The following FANCI variants were observed in gnomAD, a reference collection of about 807,000 sequenced individuals.
The protein encoded by FANCI is FA complementation group I, also known as Fanconi anemia group I protein.
In FANCI, 156 loss-of-function variants were observed where a neutral mutation model predicts 176.1. The ratio of observed to expected loss-of-function variants is 0.89; its 90% CI spans 0.78 to 1.01. The LOEUF is 1.01. Ranked by LOEUF, FANCI falls within the 50% of genes least tolerant of loss-of-function variation. The pLI, the probability that FANCI is intolerant of heterozygous loss-of-function variation, is 0.00. For missense variants in FANCI, 1,678 were observed against 1,534.1 expected (o/e 1.09, Z -1.57); for synonymous variants, 613 against 541.7 (o/e 1.13, Z -1.83).
At chr15:89,281,876 C>G in intron 16 of FANCI, 41 bp downstream of exon 16, 1 of 1,577,572 alleles carries the variant, frequency 6.3e-7, no homozygotes, top group Non-Finnish European at 8.7e-7. Context: ...ACGTTGTCTT[C>G]TAATGTTGGA....
rs369415068 is a variant in FANCI at position 89,252,515 on chromosome 15, G to A, written c.84+4784G>A. On this transcript the variant is annotated intron_variant, in intron 2 of 37. Transcript: ENST00000310775. ...AGCACTTTGGGAGGCCAAGGCAGGCGGATCACCTGAGGTGAGGAGTTCTAA... is the reference window on the plus strand; with the variant it reads ...AGCACTTTGGGAGGCCAAGGCAGGCAGATCACCTGAGGTGAGGAGTTCTAA... Among the ~76,000 whole-genome samples the A allele has an allele frequency of 8.0e-5, 12 of 150,650 alleles. No homozygotes were observed. The East Asian group carries it at 1.4e-3, about 18-fold the overall frequency.
At chr15:89,301,285 G>A (rs1280680226) in intron 26 of FANCI, 41 bp from the exon 27 acceptor site, 1 of 1,314,322 alleles carries the variant, frequency 7.6e-7, no homozygotes, top group Non-Finnish European at 1.1e-6. Context: ...ATAGGAACGT[G>A]TCTGCTAACA....
At chr15:89,304,137 A>G (rs1035900562) in intron 28 of FANCI, among the ~76,000 whole-genome samples, 4 of 152,220 alleles carry the variant, frequency 2.6e-5, no homozygotes, top group Non-Finnish European at 4.4e-5. Context: ...CACTATGGAA[A>G]ACTGTTCAGC....
In FANCI at chr15:89,285,143, T is replaced by G. The variant is rs748171417; in HGVS notation, c.1746T>G (p.Thr582=). Residue 582 remains threonine (T), a synonymous_variant, in exon 18 of 38, where the codon ACT becomes ACG. Coordinates refer to ENST00000310775, the MANE Select transcript of FANCI (RefSeq NM_001113378.2). ...HSHYNSVANE[T]FCLEIMDSLR... is the part of the protein sequence containing the mutation. ...ATTACAATTCTGTCGCCAATGAAAC[T>G]TTTTGCCTTGAGATCATGGATAGTT... 1 of 1,614,170 alleles carries G rather than the reference T, an allele frequency of 6.2e-7. No individual in the cohort carries two copies. Among genetic ancestry groups the G allele is most frequent in the Non-Finnish European group, 8.5e-7 (1 of 1,180,022 alleles).
chr15:89,285,115 G>A lies in FANCI; in HGVS notation c.1718G>A (p.Ser573Asn), dbSNP rs2053765806. The A allele has an allele frequency of 1.2e-6, 2 of 1,614,124 alleles. No homozygotes were observed. Among genetic ancestry groups the A allele is most frequent in the East Asian group, 2.2e-5 (1 of 44,868 alleles). The change falls in exon 18 of 38, where the codon AGC (serine) becomes AAC (asparagine). Residue 573 changes from serine to asparagine, a missense_variant. By Grantham distance (46) the Ser-to-Asn change is conservative (BLOSUM62 1). Coordinates refer to ENST00000310775, the MANE Select transcript of FANCI (RefSeq NM_001113378.2). ...TTTCAGGTTCATGTGGATGTTCACAGCCATTACAATTCTGTCGCCAATGAA... is the reference window on the plus strand; with the variant it reads ...TTTCAGGTTCATGTGGATGTTCACAACCATTACAATTCTGTCGCCAATGAA... Reference protein sequence around the residue: ...SVSQVHVDVHSHYNSVANETF... With the variant: ...SVSQVHVDVHNHYNSVANETF...
At position 89,293,893 on chromosome 15, in the gene FANCI, T is replaced by A; in HGVS notation, c.2352T>A (p.Ile784=). ...LFMCYKKLSD[I]LNEKAGKAKT... ...TGTGTTACAAAAAACTCTCTGACAT[T>A]CTTAATGAAAAAGCGGGTAAAGCCA... Residue 784 remains isoleucine, a synonymous_variant, in exon 23 of 38, where the codon ATT becomes ATA. Coordinates refer to ENST00000310775, the MANE Select transcript of FANCI (RefSeq NM_001113378.2). 1.2e-6 allele frequency: 2 copies of A among 1,614,168 alleles called. No homozygotes were observed. Among genetic ancestry groups the A allele is most frequent in the Non-Finnish European group, 1.7e-6 (2 of 1,180,022 alleles).
In FANCI at chr15:89,301,342, T is replaced by C. The variant is rs746808691; in HGVS notation, c.2906T>C (p.Leu969Ser). 3 of 1,613,568 alleles carry C rather than the reference T, an allele frequency of 1.9e-6. No homozygotes were observed. In the Admixed American group the frequency reaches 5.0e-5, roughly 27 times the overall value. Residue 969 changes from leucine to serine, a missense_variant, in exon 27 of 38, where the codon TTA becomes TCA. Physicochemically the swap from Leu to Ser is moderately radical, Grantham distance 145. This residue lies in a region of FANCI where 1,204 missense variants were observed against 1,077.4 expected (regional missense o/e 1.12). Coordinates refer to ENST00000310775, the MANE Select transcript of FANCI (RefSeq NM_001113378.2). ...CTTTCTCAGAGGTCCTTGTTGAATT[T>C]ACTTAGCAGTCAAGAGGAAGATTTT... is the stretch of plus-strand genomic sequence containing the variant. ...IRQFQRSLLN[L>S]LSSQEEDFNS...
Position 89,299,936 on chromosome 15 carries a change from C to G in FANCI, c.2773C>G (p.Pro925Ala). ...IFSAVQQFYQ[P>A]KIQQFLRALD... The stretch of plus-strand genomic sequence containing the variant: ...CAGTGCTGTGCAACAGTTCTATCAG[C>G]CCAAGATTCAGCAGTTTCTCAGAGC... The change falls in exon 25 of 38, where the codon CCC (proline) becomes GCC (alanine). Residue 925 changes from proline to alanine, a missense_variant. Physicochemically the swap from Pro to Ala is conservative, Grantham distance 27. Transcript: ENST00000310775. 1.2e-6 allele frequency: 2 copies of G among 1,613,976 alleles called. No homozygotes were observed. Among genetic ancestry groups the G allele is most frequent in the Non-Finnish European group, 1.7e-6 (2 of 1,179,962 alleles).
chr15:89,249,918 A>T (rs1164054727), intron 2 of FANCI, among the ~76,000 whole-genome samples: 1 of 152,232 alleles, frequency 6.6e-6, no homozygotes, highest in Non-Finnish European at 1.5e-5. Context: ...ATCTTCTTAA[A>T]CACATAGAAT....
Position 89,306,069 on chromosome 15 carries a change from C to G in FANCI, c.3412C>G (p.Leu1138Val). ...TGTTGAGAAAGCTATCATCATGCAA[C>G]TGGGAACTCTGCTTACATTTTTCCA... The part of the protein sequence containing the change: ...QPVEKAIIMQ[L>V]GTLLTFFHEL... The change falls in exon 32 of 38, where the codon CTG becomes GTG. Residue 1138 changes from leucine to valine, a missense_variant. By Grantham distance (32) the Leu-to-Val change is conservative. Transcript: ENST00000310775. The G allele has an allele frequency of 6.2e-7, 1 of 1,614,224 alleles. No individual in the cohort carries two copies. The highest frequency in any genetic ancestry group is 1.3e-5 in the African/African-American group (1 of 75,060).
intron 24 of FANCI, among the ~76,000 whole-genome samples, chr15:89,295,732 GC>G (rs150758657): frequency 1.7e-5 from 2 of 114,460 alleles, no homozygotes; most frequent in Non-Finnish European, 3.7e-5. Context: ...TTCCCCTGGC[GC>G]CCCCCCCACC....
At chr15:89,283,571 T>A (rs1274482530) in intron 17 of FANCI, among the ~76,000 whole-genome samples, 4 of 152,170 alleles carry the variant, frequency 2.6e-5, no homozygotes, top group Non-Finnish European at 5.9e-5. Context: ...TACCAGATTT[T>A]GAAATAAAAG....
chr15:89,301,268 C>G, intron 26 of FANCI, 58 bp from the exon 27 acceptor site: 1 of 1,145,418 alleles, frequency 8.7e-7, no homozygotes, highest in Non-Finnish European at 1.3e-6. Context: ...GATGCCTCTT[C>G]TTCCTGATAG....
chr15:89,270,422 A>G (rs770460378), intron 10 of FANCI, among the ~76,000 whole-genome samples: 31 of 152,174 alleles, frequency 2.0e-4, no homozygotes, highest in African/African-American at 3.9e-4. Context: ...TTTCCCAACA[A>G]CATTTCACAG....
intron 2 of FANCI, among the ~76,000 whole-genome samples, chr15:89,257,790 C>T (rs1389763442): frequency 1.3e-5 from 2 of 152,270 alleles, no homozygotes; most frequent in East Asian, 3.9e-4. Flanking sequence ...GTCTAGGCCA[C>T]TGTCATCTCT....
intron 13 of FANCI, among the ~76,000 whole-genome samples, chr15:89,278,133 C>G (rs1298003961): frequency 6.6e-6 from 1 of 152,120 alleles, no homozygotes; most frequent in Non-Finnish European, 1.5e-5. Flanking sequence ...TTATAAATTG[C>G]TACTAAGTCA....
chr15:89,266,166 T>TG (rs1491289786), intron 9 of FANCI, among the ~76,000 whole-genome samples: 14 of 43,674 alleles, frequency 3.2e-4, no homozygotes, highest in Non-Finnish European at 6.1e-4. Flanking sequence ...CTGGCTACTG[T>TG]TTTTTTTTTT....
chr15:89,289,874 T>C (rs1414486991), intron 18 of FANCI, among the ~76,000 whole-genome samples: 1 of 152,020 alleles, frequency 6.6e-6, no homozygotes, highest in Non-Finnish European at 1.5e-5. Flanking sequence ...TATTTTTTAG[T>C]AGAGACAGGG....
chr15:89,275,052 A>T (rs1188822960), intron 12 of FANCI, among the ~76,000 whole-genome samples: 1 of 148,688 alleles, frequency 6.7e-6, no homozygotes, highest in African/African-American at 2.5e-5. Flanking sequence ...GACTATAGGC[A>T]TGTAGCCCTG....
Sources: gnomAD v4.1 joint callset for allele counts (sites outside exome capture counted in the v4.1 genomes callset) on GRCh38, gnomAD v4.1.1 for gene constraint, gnomAD v4.1.1 regional missense constraint, MANE v1.5 for transcripts, NCBI Gene and HGNC (gene_info 2026-07-23, HGNC 2026-07-21) for gene names.